Variants in SLC8B1 observed in about 807,000 individuals in gnomAD.
The protein encoded by SLC8B1 is mitochondrial sodium/calcium exchanger protein.
SLC8B1 carries 52 observed loss-of-function variants against 63.4 expected under a neutral mutation model. That is an observed-to-expected ratio of 0.82 (90% CI 0.66 to 1.03). SLC8B1 has a LOEUF of 1.03. Among genes scored for constraint, SLC8B1 ranks in the 50% least tolerant of loss-of-function variants. The pLI, the probability that SLC8B1 is intolerant of heterozygous loss-of-function variation, is 0.00. For missense variants in SLC8B1, 657 were observed against 741.7 expected (o/e 0.89, Z 1.33); for synonymous variants, 336 against 323.9 (o/e 1.04, Z -0.40).
At chr12:113,317,122 C>G in intron 8 of SLC8B1, 121 bp from the exon 9 acceptor site, 1 of 852,320 alleles carries the variant, frequency 1.2e-6, no homozygotes, top group South Asian at 1.5e-5. Flanking sequence ...TTATTTGGGA[C>G]AGGATCTTTC....
intron 10 of SLC8B1, among the ~76,000 whole-genome samples, chr12:113,316,254 T>A (rs1956834867): frequency 6.6e-6 from 1 of 151,522 alleles, no homozygotes; most frequent in Non-Finnish European, 1.5e-5. Flanking sequence ...TTTAATCACA[T>A]CTGCAAAGGC....
In SLC8B1 at chr12:113,320,691, G is replaced by A; in HGVS notation, c.421-5C>T. The A allele has an allele frequency of 6.2e-7, 1 of 1,612,886 alleles. No homozygotes were observed. The highest frequency in any genetic ancestry group is 8.5e-7 in the Non-Finnish European group (1 of 1,179,552). The stretch of plus-strand genomic sequence containing the variant: ...AAATGCCAGGAAGGTGACGCCATGT[G>A]GGGAGCATGTCAAGGCGGGCCAGGA... On this transcript the variant is annotated splice_polypyrimidine_tract_variant and splice_region_variant and intron_variant, in intron 5 of 15. Transcript: ENST00000680972. This position sits in a 1 kb window ranked among gnomAD's most constrained non-coding sequence, Gnocchi z 5.3.
intron 12 of SLC8B1, among the ~76,000 whole-genome samples, chr12:113,309,584 T>C (rs530438278): frequency 2.2e-4 from 34 of 152,182 alleles, no homozygotes; most frequent in Admixed American, 2.0e-3. Context: ...TGAGACCTCA[T>C]CTTTACAAAA....
intron 11 of SLC8B1, among the ~76,000 whole-genome samples, chr12:113,313,615 C>G (rs1190302823): frequency 6.6e-6 from 1 of 152,156 alleles, no homozygotes; most frequent in South Asian, 2.1e-4. Flanking sequence ...GTGGCGGGTG[C>G]CTGTAGTCCC....
intron 2 of SLC8B1, among the ~76,000 whole-genome samples, chr12:113,324,603 C>T (rs1279263017): frequency 1.3e-5 from 2 of 151,862 alleles, no homozygotes; most frequent in Non-Finnish European, 2.9e-5. Context: ...AATGGGGTTT[C>T]ACCACGTTGG....
intron 2 of SLC8B1, among the ~76,000 whole-genome samples, chr12:113,331,680 G>A (rs1251225847): frequency 6.6e-6 from 1 of 152,122 alleles, no homozygotes; most frequent in Non-Finnish European, 1.5e-5. Flanking sequence ...TTGGGACTCA[G>A]ACTGACCTCC....
rs567105011 is a variant in SLC8B1 at position 113,305,608 on chromosome 12, C to G, written c.1492+887G>C. On this transcript the variant is annotated intron_variant, in intron 14 of 15. Coordinates refer to ENST00000680972, the MANE Select transcript of SLC8B1 (RefSeq NM_001358345.2). The surrounding 1 kb of genome is among the most constrained non-coding windows in gnomAD (Gnocchi z 4.3). ...GACCAAAAGTTGGCAAACATCAGCC[C>G]TCCGGCCAAATTTGGCCCACTAACT... 2.0e-5 allele frequency among the ~76,000 whole-genome samples: 3 copies of G among 152,346 alleles called. No individual in the cohort carries two copies. The East Asian group carries it at 5.8e-4, about 29-fold the overall frequency.
At position 113,300,658 on chromosome 12, in the gene SLC8B1, G is replaced by A. The variant is rs113123115; in HGVS notation, c.1558-684C>T. Among the ~76,000 whole-genome samples the A allele has an allele frequency of 1.1e-4, 17 of 152,290 alleles. No homozygotes were observed. The South Asian group carries it at 1.7e-3, about 15-fold the overall frequency. The stretch of plus-strand genomic sequence containing the variant: ...GACGTGGCCCCAGAAGTTTCCAGAC[G>A]CAGAAACAGCAGGGAAAAGGAACCT... On this transcript the variant is annotated intron_variant, in intron 15 of 15. Transcript: ENST00000680972.
rs1440140634 is a variant in SLC8B1, at chr12:113,320,544, C to T, written c.526+37G>A. The T allele has an allele frequency of 1.9e-6, 3 of 1,613,814 alleles. No homozygotes were observed. Among genetic ancestry groups the T allele is most frequent in the African/African-American group, 1.3e-5 (1 of 74,928 alleles). Reference sequence around the variant, plus strand: ...CTCAGCCACCCTGCACCCTCTCCTGCTGCTTTCCCCGCCCCCCTCACTGGG... The same window carrying T: ...CTCAGCCACCCTGCACCCTCTCCTGTTGCTTTCCCCGCCCCCCTCACTGGG... On this transcript the variant is annotated intron_variant, in intron 6 of 15. Transcript: ENST00000680972. The surrounding 1 kb of genome is among the most constrained non-coding windows in gnomAD (Gnocchi z 5.3).
At position 113,310,351 on chromosome 12, in the gene SLC8B1, AC is replaced by A. The variant is rs779875534; in HGVS notation, c.1139del (p.Gly380ValfsTer5). The A allele has an allele frequency of 6.2e-7, 1 of 1,612,518 alleles. No homozygotes were observed. Among genetic ancestry groups the A allele is most frequent in the Non-Finnish European group, 8.5e-7 (1 of 1,179,558 alleles). On this transcript the variant is annotated frameshift_variant, in exon 12 of 16. Coordinates refer to ENST00000680972, the MANE Select transcript of SLC8B1 (RefSeq NM_001358345.2). LOFTEE classifies it high-confidence loss of function. ...VVLTLQSGTY[G>X]VYEIGGLVPV... ...GAACGAGGCCGCCTATCTCATAGAC[AC>A]CATCTGCAAAGGGAGAGAAAGGGAG...
At chr12:113,312,941 T>C (rs1956783692) in intron 11 of SLC8B1, among the ~76,000 whole-genome samples, 1 of 152,064 alleles carries the variant, frequency 6.6e-6, no homozygotes, top group African/African-American at 2.4e-5. Flanking sequence ...AGTCTCACTC[T>C]GTCGCCCAGG....
At chr12:113,310,393 C>A (rs1341718786) in intron 11 of SLC8B1, 38 bp from the exon 12 acceptor site, 1 of 1,598,584 alleles carries the variant, frequency 6.3e-7, no homozygotes. Flanking sequence ...ACCTTCCCAG[C>A]ACCTCAACAC....
chr12:113,299,569 GT>G lies in SLC8B1; in HGVS notation c.*207del. On this transcript the variant is annotated 3_prime_UTR_variant, in exon 16 of 16. Coordinates refer to ENST00000680972, the MANE Select transcript of SLC8B1 (RefSeq NM_001358345.2). ...TCCAGAGCAAAGCCAGGTTTCCAAGGTCCCCACGGCAAGGCTGTTGGGTGCT... is the reference window on the plus strand; with the variant it reads ...TCCAGAGCAAAGCCAGGTTTCCAAGGCCCCACGGCAAGGCTGTTGGGTGCT... 1.7e-6 allele frequency: 1 copy of G among 579,478 alleles called. No homozygotes were observed. The highest frequency in any genetic ancestry group is 3.1e-6 in the Non-Finnish European group (1 of 324,790). The allele number at this position is 579,478 out of a possible 1,614,324, so 35.9% of individuals were successfully genotyped here. A position where few individuals can be genotyped will look rare whatever the true frequency, so the allele number is the denominator to read the frequency against.
At chr12:113,312,667 C>G (rs1053687816) in intron 11 of SLC8B1, among the ~76,000 whole-genome samples, 5 of 152,244 alleles carry the variant, frequency 3.3e-5, no homozygotes, top group African/African-American at 7.2e-5. Flanking sequence ...ACCAGTCTTT[C>G]CCCAGGGTGG....
intron 2 of SLC8B1, among the ~76,000 whole-genome samples, chr12:113,331,425 G>A (rs1355716808): frequency 6.6e-6 from 1 of 151,440 alleles, no homozygotes; most frequent in East Asian, 1.9e-4. Flanking sequence ...CAGTGGACTG[G>A]GAAAAGCAGA....
At chr12:113,324,737 T>C (rs553764145) in intron 2 of SLC8B1, among the ~76,000 whole-genome samples, 1 of 149,016 alleles carries the variant, frequency 6.7e-6, no homozygotes, top group East Asian at 2.0e-4. Context: ...AGAGTCTCAC[T>C]CTGTCGCCTA....
chr12:113,306,760 C>G, intron 13 of SLC8B1, 185 bp from the exon 14 acceptor site: 2 of 580,468 alleles, frequency 3.4e-6, no homozygotes, highest in South Asian at 4.3e-5. Context: ...ACACACTTCC[C>G]TCCTTAATTC....
intron 14 of SLC8B1, 117 bp downstream of exon 14, chr12:113,306,378 C>T (rs1956675573): frequency 1.2e-6 from 1 of 810,066 alleles, no homozygotes; most frequent in African/African-American, 1.7e-5. Context: ...CTCAGGCAGC[C>T]ACATTACCTG....
chr12:113,311,258 C>T (rs1956756324), intron 11 of SLC8B1, among the ~76,000 whole-genome samples: 3 of 152,204 alleles, frequency 2.0e-5, no homozygotes, highest in African/African-American at 7.2e-5. Flanking sequence ...CGGGACAAAC[C>T]TGGCCAAGGG....
Sources: gnomAD v4.1 joint callset for allele counts (sites outside exome capture counted in the v4.1 genomes callset) on GRCh38, gnomAD v4.1.1 for gene constraint, Gnocchi (gnomAD v3.1) non-coding constraint, MANE v1.5 for transcripts, NCBI Gene and HGNC (gene_info 2026-07-23, HGNC 2026-07-21) for gene names.